The following UGT1A6 variants were observed in gnomAD, a reference collection of about 807,000 sequenced individuals.
UGT1A6 encodes the protein UDP-glucuronosyltransferase 1A6.
Under a neutral mutation model 44.4 loss-of-function variants are expected in UGT1A6, and 32 were observed. The ratio of observed to expected loss-of-function variants is 0.72; its 90% CI spans 0.54 to 0.97. The LOEUF (loss-of-function observed/expected upper bound fraction) is 0.97, where lower values mean the gene tolerates loss of function less well. UGT1A6 is among the 50% of genes least tolerant of loss of function. The pLI is 0.00. For missense variants in UGT1A6, 685 were observed against 661.9 expected (o/e 1.03, Z -0.38); for synonymous variants, 238 against 248.5 (o/e 0.96, Z 0.40).
At chr2:233,716,666 G>A (rs1298911663) in intron 1 of UGT1A6, among the ~76,000 whole-genome samples, 1 of 152,050 alleles carries the variant, frequency 6.6e-6, no homozygotes, top group East Asian at 1.9e-4. Flanking sequence ...AGGAAGCTTT[G>A]TTTACCCCAA....
intron 1 of UGT1A6, among the ~76,000 whole-genome samples, chr2:233,720,635 C>T (rs1197990739): frequency 6.6e-6 from 1 of 151,750 alleles, no homozygotes; most frequent in Non-Finnish European, 1.5e-5. Context: ...TGAAATAGTA[C>T]TCTGGGATGT....
intron 1 of UGT1A6, chr2:233,743,488 G>A: frequency 1.5e-6 from 2 of 1,367,106 alleles, no homozygotes; most frequent in African/African-American, 3.0e-5. Context: ...TTCACTGAAG[G>A]CAGAGAAAAG....
intron 1 of UGT1A6, among the ~76,000 whole-genome samples, chr2:233,766,325 G>C (rs574966930): frequency 6.6e-6 from 1 of 152,110 alleles, no homozygotes; most frequent in African/African-American, 2.4e-5. Flanking sequence ...GCCAAACTCC[G>C]CGTTGTTCTG....
chr2:233,762,210 G>A (rs190920095), intron 1 of UGT1A6, among the ~76,000 whole-genome samples: 9 of 152,170 alleles, frequency 5.9e-5, no homozygotes, highest in Non-Finnish European at 7.4e-5. Context: ...TGTATTTGGC[G>A]CCCCATAAAT....
chr2:233,710,974 T>C (rs898828388), intron 1 of UGT1A6, among the ~76,000 whole-genome samples: 1 of 152,234 alleles, frequency 6.6e-6, no homozygotes, highest in African/African-American at 2.4e-5. Flanking sequence ...GAGGGGAATA[T>C]ACAATCATTC....
chr2:233,729,786 G>C, intron 1 of UGT1A6: 4 of 1,613,972 alleles, frequency 2.5e-6, no homozygotes, highest in Non-Finnish European at 3.4e-6. Context: ...CTCTGGCCCT[G>C]TCCTACATTT....
At chr2:233,719,602 T>C (rs764921647) in intron 1 of UGT1A6, 45 of 1,614,062 alleles carry the variant, frequency 2.8e-5, no homozygotes, top group Admixed American at 5.0e-5. Flanking sequence ...CGAGGGGACT[T>C]TGTGATGGAC....
intron 1 of UGT1A6, chr2:233,753,565 G>GGACC (rs1470283120): frequency 1.3e-5 from 2 of 152,156 alleles, no homozygotes; most frequent in African/African-American, 4.8e-5. Flanking sequence ...CTAGAAGATG[G>GGACC]GACCCTTTGT....
At chr2:233,697,355 T>C (rs1350748190) in intron 1 of UGT1A6, among the ~76,000 whole-genome samples, 1 of 152,124 alleles carries the variant, frequency 6.6e-6, no homozygotes, top group Admixed American at 6.5e-5. Context: ...GTTTTCTAAT[T>C]TGTTGGCATA....
intron 1 of UGT1A6, among the ~76,000 whole-genome samples, chr2:233,727,911 G>A (rs1410482516): frequency 1.3e-5 from 2 of 152,196 alleles, no homozygotes; most frequent in Non-Finnish European, 2.9e-5. Context: ...AGAAGACACA[G>A]GGGCAGTGAG....
chr2:233,739,438 T>G (rs1285921869), intron 1 of UGT1A6, among the ~76,000 whole-genome samples: 1 of 152,226 alleles, frequency 6.6e-6, no homozygotes, highest in Non-Finnish European at 1.5e-5. Context: ...GGCTTTACCC[T>G]GCAAAGCCAC....
chr2:233,750,190 A>G (rs1694385448), intron 1 of UGT1A6, among the ~76,000 whole-genome samples: 1 of 151,894 alleles, frequency 6.6e-6, no homozygotes, highest in African/African-American at 2.4e-5. Context: ...TGTTGTGGAC[A>G]ATGAAGTCCA....
chr2:233,729,788 C>T (rs377448970), intron 1 of UGT1A6: 5 of 1,613,954 alleles, frequency 3.1e-6, no homozygotes, highest in Non-Finnish European at 3.4e-6. Flanking sequence ...CTGGCCCTGT[C>T]CTACATTTGC....
chr2:233,739,980 C>T (rs1169628941), intron 1 of UGT1A6, among the ~76,000 whole-genome samples: 1 of 151,792 alleles, frequency 6.6e-6, no homozygotes, highest in Non-Finnish European at 1.5e-5. Flanking sequence ...GGCAGTTTTC[C>T]CCATGCTGTT....
chr2:233,758,652 G>A (rs1363541572), intron 1 of UGT1A6, among the ~76,000 whole-genome samples: 2 of 152,076 alleles, frequency 1.3e-5, no homozygotes, highest in Non-Finnish European at 2.9e-5. Context: ...GAATGAGAGG[G>A]TACCCTAATT....
chr2:233,702,196 C>G lies in UGT1A6; in HGVS notation c.861+8331C>G, dbSNP rs575062785. On this transcript the variant is annotated intron_variant, in intron 1 of 4. Coordinates refer to ENST00000305139, the MANE Select transcript of UGT1A6 (RefSeq NM_001072.4). ...TTTCTCTCCTTCCTCCAGCCCCTGG[C>G]AGCCATTAATCAACTTTCTGTCCTT... Among the ~76,000 whole-genome samples, 5 of 152,328 alleles carry G rather than the reference C, an allele frequency of 3.3e-5. No individual in the cohort carries two copies. The South Asian group carries it at 1.0e-3, about 32-fold the overall frequency.
intron 1 of UGT1A6, among the ~76,000 whole-genome samples, chr2:233,720,140 G>T (rs527690030): frequency 5.9e-5 from 9 of 152,254 alleles, no homozygotes; most frequent in African/African-American, 2.2e-4. Context: ...GGAGACCTAG[G>T]CACTCACAGG....
chr2:233,752,468 T>C (rs1694980469), intron 1 of UGT1A6: 1 of 152,362 alleles, frequency 6.6e-6, no homozygotes, highest in Admixed American at 6.5e-5. Flanking sequence ...TATAGGCCTC[T>C]AGCAGTGTTA....
chr2:233,718,073 G>C, intron 1 of UGT1A6: 1 of 345,132 alleles, frequency 2.9e-6, no homozygotes, highest in South Asian at 2.3e-5. Flanking sequence ...GTCCTTGCTA[G>C]GGTTGTCTTG....
Sources: allele counts gnomAD v4.1 joint callset (sites outside exome capture counted in the v4.1 genomes callset), GRCh38; gene constraint gnomAD v4.1.1; transcripts MANE v1.5; gene names NCBI Gene and HGNC (gene_info 2026-07-23, HGNC 2026-07-21).